PACRG: variants seen among roughly 807,000 people sequenced by gnomAD.
The protein encoded by PACRG is parkin coregulated.
In PACRG, 29 loss-of-function variants were observed where a neutral mutation model predicts 29.7. The ratio of observed to expected loss-of-function variants is 0.98; its 90% CI spans 0.73 to 1.33. The LOEUF (loss-of-function observed/expected upper bound fraction) is 1.33. Ranked by LOEUF, PACRG falls within the 40% of genes most tolerant of loss-of-function variation. The probability of loss-of-function intolerance (pLI) is 0.00; values close to 1 mark genes in which losing one functional copy is unlikely to be tolerated. For missense variants in PACRG, 279 were observed against 316.2 expected (o/e 0.88, Z 0.89); for synonymous variants, 116 against 118.7 (o/e 0.98, Z 0.15).
At chr6:163,044,274 C>T (rs1809081516) in intron 2 of PACRG, among the ~76,000 whole-genome samples, 1 of 150,900 alleles carries the variant, frequency 6.6e-6, no homozygotes, top group Admixed American at 6.6e-5. Flanking sequence ...TTCATGCGAT[C>T]CTCCCACCTC....
intron 2 of PACRG, among the ~76,000 whole-genome samples, chr6:162,873,919 G>A (rs916494769): frequency 3.3e-5 from 5 of 152,094 alleles, no homozygotes; most frequent in South Asian, 2.1e-4. Context: ...TAGATTCCTT[G>A]TAACTCAAGT....
intron 4 of PACRG, among the ~76,000 whole-genome samples, chr6:163,101,796 A>G (rs1333422042): frequency 6.6e-6 from 1 of 152,218 alleles, no homozygotes; most frequent in Admixed American, 6.5e-5. Flanking sequence ...CTGCCTACAC[A>G]AAGACTAATG....
intron 2 of PACRG, among the ~76,000 whole-genome samples, chr6:162,894,551 A>G (rs1001550761): frequency 2.5e-4 from 38 of 152,230 alleles, no homozygotes; most frequent in African/African-American, 9.6e-5. Context: ...ATTTGGGTGC[A>G]CGCCGAGCCT....
At chr6:162,733,835 T>C (rs901384679) in intron 1 of PACRG, among the ~76,000 whole-genome samples, 2 of 152,210 alleles carry the variant, frequency 1.3e-5, no homozygotes, top group Admixed American at 6.5e-5. Context: ...GACCACTCTA[T>C]TTTAAACTTC....
At chr6:162,841,445 C>T (rs142892390) in intron 2 of PACRG, among the ~76,000 whole-genome samples, 2,375 of 151,898 alleles carry the variant, frequency 0.016, 59 homozygotes, top group African/African-American at 0.052. Flanking sequence ...GGTGATATCC[C>T]CTTTATCATA....
intron 2 of PACRG, among the ~76,000 whole-genome samples, chr6:162,817,849 A>G (rs1787492901): frequency 6.6e-6 from 1 of 152,106 alleles, no homozygotes. Flanking sequence ...ATTTTTTGTC[A>G]TGGTTTTCTA....
chr6:163,173,592 A>C (rs111650377), intron 4 of PACRG, among the ~76,000 whole-genome samples: 2 of 152,174 alleles, frequency 1.3e-5, no homozygotes, highest in African/African-American at 4.8e-5. Context: ...CTCACTGATG[A>C]GAGAATCACG....
At chr6:162,745,256 C>T (rs902432350) in intron 1 of PACRG, among the ~76,000 whole-genome samples, 1 of 152,046 alleles carries the variant, frequency 6.6e-6, no homozygotes, top group African/African-American at 2.4e-5. Context: ...AAGCTGGAAG[C>T]CATCATCCTC....
In PACRG at chr6:162,747,365, C is replaced by CATACAT. The variant is rs1245333854; in HGVS notation, c.156+18975_156+18976insTACATA. On this transcript the variant is annotated intron_variant, in intron 1 of 4. Coordinates refer to ENST00000366888, the MANE Select transcript of PACRG (RefSeq NM_001080379.2). The stretch of plus-strand genomic sequence containing the variant: ...ATATATATATATATATATATATATA[C>CATACAT]ACATACATATATATGTATATATATG... Among the ~76,000 whole-genome samples, 10 of 44,654 alleles carry CATACAT rather than the reference C, an allele frequency of 2.2e-4. 1 individual carries two copies. In the South Asian group the frequency reaches 3.9e-3, roughly 18 times the overall value. The allele number at this position is 44,654 out of a possible 152,430, so 29.3% of individuals were successfully genotyped here.
intron 4 of PACRG, among the ~76,000 whole-genome samples, chr6:163,279,989 T>G (rs1784175405): frequency 6.6e-6 from 1 of 152,236 alleles, no homozygotes. Context: ...GTCCTGAGGT[T>G]CATCCTTTGC....
chr6:163,223,952 G>C (rs958963601), intron 4 of PACRG, among the ~76,000 whole-genome samples: 1 of 152,202 alleles, frequency 6.6e-6, no homozygotes, highest in Non-Finnish European at 1.5e-5. Flanking sequence ...ACGCCTATAA[G>C]AGACTGAGAA....
intron 2 of PACRG, among the ~76,000 whole-genome samples, chr6:162,822,252 C>A (rs1194956756): frequency 6.6e-6 from 1 of 152,128 alleles, no homozygotes; most frequent in Admixed American, 6.6e-5. Flanking sequence ...AAAGGAGATA[C>A]CCAAACATGT....
chr6:163,043,784 C>T (rs1347109693), intron 2 of PACRG, among the ~76,000 whole-genome samples: 3 of 152,132 alleles, frequency 2.0e-5, no homozygotes, highest in South Asian at 2.1e-4. Context: ...GACAGTAGAA[C>T]GACATGGACA....
At chr6:163,179,286 C>A in intron 4 of PACRG, 1 of 455,250 alleles carries the variant, frequency 2.2e-6, no homozygotes, top group South Asian at 1.6e-5. Context: ...GGGAACTCAG[C>A]CTTCCTTCCC....
chr6:163,213,306 G>GAAA (rs56408737), intron 4 of PACRG, among the ~76,000 whole-genome samples: 28 of 148,896 alleles, frequency 1.9e-4, no homozygotes, highest in South Asian at 1.5e-3. Flanking sequence ...GAAAGTCAAG[G>GAAA]AAAAAAAAAA....
At chr6:162,863,294 G>A (rs1171671189) in intron 2 of PACRG, among the ~76,000 whole-genome samples, 3 of 152,226 alleles carry the variant, frequency 2.0e-5, no homozygotes, top group Non-Finnish European at 4.4e-5. Flanking sequence ...TGTAAAACCA[G>A]AGAGTTGGGC....
chr6:163,169,991 C>A (rs1291963307), intron 4 of PACRG, among the ~76,000 whole-genome samples: 2 of 152,128 alleles, frequency 1.3e-5, no homozygotes, highest in African/African-American at 4.8e-5. Flanking sequence ...TGTCTGTGTC[C>A]TTATCTCTTT....
intron 1 of PACRG, among the ~76,000 whole-genome samples, chr6:162,780,710 A>G (rs1404850255): frequency 6.6e-6 from 1 of 152,160 alleles, no homozygotes; most frequent in African/African-American, 2.4e-5. Context: ...AGAAAATATA[A>G]AAAGATCCAA....
chr6:163,144,587 G>C (rs1777720512), intron 4 of PACRG, among the ~76,000 whole-genome samples: 1 of 152,074 alleles, frequency 6.6e-6, no homozygotes, highest in Admixed American at 6.5e-5. Flanking sequence ...TAGCCAACAT[G>C]GTGAAACCCC....
Sources: gnomAD v4.1 joint callset for allele counts (sites outside exome capture counted in the v4.1 genomes callset) on GRCh38, gnomAD v4.1.1 for gene constraint, MANE v1.5 for transcripts, NCBI Gene and HGNC (gene_info 2026-07-23, HGNC 2026-07-21) for gene names.